Variants in FAM110D observed in about 807,000 individuals in gnomAD.
The protein encoded by FAM110D is family with sequence similarity 110 member D.
For synonymous variants in FAM110D, 174 were observed against 189.4 expected (o/e 0.92, Z 0.67); for missense variants, 376 against 395.6 (o/e 0.95, Z 0.42).
In FAM110D at chr1:26,161,800, G is replaced by T. The variant is rs1353729021; in HGVS notation, c.509G>T (p.Gly170Val). ...SEKERFFNYC[G>V]LERALVEVLG... The stretch of plus-strand genomic sequence containing the variant: ...AAGGAGCGCTTCTTCAACTACTGCG[G>T]CCTGGAGCGCGCGCTGGTGGAGGTG... The change falls in exon 2 of 2, where the codon GGC becomes GTC. Residue 170 changes from glycine to valine, a missense_variant. Coordinates refer to ENST00000374268, the MANE Select transcript of FAM110D (RefSeq NM_024869.3). The surrounding 1 kb of genome is among the most constrained non-coding windows in gnomAD (Gnocchi z 5.4). The T allele has an allele frequency of 9.7e-6, 15 of 1,550,214 alleles. No homozygotes were observed. The highest frequency in any genetic ancestry group is 1.3e-5 in the Non-Finnish European group (15 of 1,147,894).
chr1:26,161,271 G>C lies in FAM110D; in HGVS notation c.-21G>C. 6.5e-7 allele frequency: 1 copy of C among 1,539,590 alleles called. No individual in the cohort carries two copies. Among genetic ancestry groups the C allele is most frequent in the Non-Finnish European group, 8.8e-7 (1 of 1,142,360 alleles). On this transcript the variant is annotated 5_prime_UTR_variant, in exon 2 of 2. Coordinates refer to ENST00000374268, the MANE Select transcript of FAM110D (RefSeq NM_024869.3). The surrounding 1 kb of genome is among the most constrained non-coding windows in gnomAD (Gnocchi z 5.4). ...CGTGGCTGGCTACTTATGGGGCACT[G>C]TCCTGACCAGCTCTGCTAAGATGCT...
At chr1:26,160,512 C>T (rs373532662) in intron 1 of FAM110D, among the ~76,000 whole-genome samples, 1 of 152,330 alleles carries the variant, frequency 6.6e-6, no homozygotes, top group East Asian at 1.9e-4. Flanking sequence ...GGGTTCCAGT[C>T]CTGGCTCCTA....
At position 26,161,470 on chromosome 1, in the gene FAM110D, C is replaced by A. The variant is rs1335152397; in HGVS notation, c.179C>A (p.Pro60His). 6.4e-7 allele frequency: 1 copy of A among 1,560,808 alleles called. No individual in the cohort carries two copies. The highest frequency in any genetic ancestry group is 2.4e-5 in the East Asian group (1 of 41,614). The change falls in exon 2 of 2, where the codon CCC becomes CAC. Residue 60 changes from proline to histidine, a missense_variant. By Grantham distance (77) the Pro-to-His change is moderately conservative (BLOSUM62 -2). Transcript: ENST00000374268. This position sits in a 1 kb window ranked among gnomAD's most constrained non-coding sequence, Gnocchi z 5.4. ...CCGCACCCCTGCAACGAGCTGGGGCCCCCTGCATCGCCCAGGACGCCCAGG... is the reference window on the plus strand; with the variant it reads ...CCGCACCCCTGCAACGAGCTGGGGCACCCTGCATCGCCCAGGACGCCCAGG... Reference protein sequence around the residue: ...LTPHPCNELGPPASPRTPRPV... With the variant: ...LTPHPCNELGHPASPRTPRPV...
Position 26,161,719 on chromosome 1 carries a change from C to A in FAM110D, c.428C>A (p.Pro143Gln). 4 of 1,550,060 alleles carry A rather than the reference C, an allele frequency of 2.6e-6. No homozygotes were observed. The highest frequency in any genetic ancestry group is 3.5e-6 in the Non-Finnish European group (4 of 1,146,994). The change falls in exon 2 of 2, where the codon CCG (proline) becomes CAG (glutamine). Residue 143 changes from proline to glutamine, a missense_variant. Physicochemically the swap from Pro to Gln is moderately conservative, Grantham distance 76 (BLOSUM62 -1). Coordinates refer to ENST00000374268, the MANE Select transcript of FAM110D (RefSeq NM_024869.3). This position sits in a 1 kb window ranked among gnomAD's most constrained non-coding sequence, Gnocchi z 5.4. ...GGTTGGGCTGCGCCCCAGGATGCCC[C>A]GGAAGCGGCGGGAAAGCGGGCGCTG... ...SGGWAAPQDA[P>Q]EAAGKRALCP...
intron 1 of FAM110D, among the ~76,000 whole-genome samples, chr1:26,160,985 A>G (rs2088361302): frequency 6.6e-6 from 1 of 152,166 alleles, no homozygotes; most frequent in African/African-American, 2.4e-5. Flanking sequence ...CTGTGGCCAG[A>G]TTGGGGCACC....
Position 26,161,630 on chromosome 1 carries a change from G to A in FAM110D, c.339G>A (p.Leu113=). Residue 113 remains leucine, a synonymous_variant, in exon 2 of 2, where the codon CTG becomes CTA. Transcript: ENST00000374268. The surrounding 1 kb of genome is among the most constrained non-coding windows in gnomAD (Gnocchi z 5.4). ...KGQGLVRRLF[L]GAPRDAAPSS... ...AGGGTCTGGTGCGGCGCCTCTTTCTGGGTGCCCCGCGGGACGCTGCCCCGA... is the reference window on the plus strand; with the variant it reads ...AGGGTCTGGTGCGGCGCCTCTTTCTAGGTGCCCCGCGGGACGCTGCCCCGA... 6.4e-7 allele frequency: 1 copy of A among 1,551,638 alleles called. No homozygotes were observed. The highest frequency in any genetic ancestry group is 1.2e-5 in the South Asian group (1 of 84,144).
rs1318028423 is a variant in FAM110D at position 26,162,007 on chromosome 1, G to A, written c.716G>A (p.Arg239Gln). The part of the protein sequence containing the change: ...GSEAAGSARD[R>Q]RPPVSVVERN... ...GAGGCAGCGGGCTCGGCGCGGGACCGGCGCCCCCCGGTGTCGGTGGTGGAG... is the reference window on the plus strand; with the variant it reads ...GAGGCAGCGGGCTCGGCGCGGGACCAGCGCCCCCCGGTGTCGGTGGTGGAG... Residue 239 changes from arginine to glutamine, a missense_variant, in exon 2 of 2, where the codon CGG becomes CAG. Coordinates refer to ENST00000374268, the MANE Select transcript of FAM110D (RefSeq NM_024869.3). The surrounding 1 kb of genome is among the most constrained non-coding windows in gnomAD (Gnocchi z 5.3). The A allele has an allele frequency of 4.9e-6, 6 of 1,235,842 alleles. No homozygotes were observed. The highest frequency in any genetic ancestry group is 3.9e-5 in the South Asian group (1 of 25,536). The allele number at this position is 1,235,842 out of a possible 1,614,324, so 76.6% of individuals were successfully genotyped here. A position where few individuals can be genotyped will look rare whatever the true frequency, so the allele number is the denominator to read the frequency against.
At chr1:26,160,467 A>G (rs2088354209) in intron 1 of FAM110D, among the ~76,000 whole-genome samples, 1 of 152,046 alleles carries the variant, frequency 6.6e-6, no homozygotes, top group Non-Finnish European at 1.5e-5. Flanking sequence ...GTGACAAAGC[A>G]AGACTCCGTC....
At chr1:26,160,877 G>A (rs1177048095) in intron 1 of FAM110D, among the ~76,000 whole-genome samples, 1 of 152,256 alleles carries the variant, frequency 6.6e-6, no homozygotes, top group East Asian at 1.9e-4. Context: ...TTGGGAAGAG[G>A]TATTTTTTCC....
At chr1:26,160,538 T>C (rs1256143596) in intron 1 of FAM110D, among the ~76,000 whole-genome samples, 1 of 151,908 alleles carries the variant, frequency 6.6e-6, no homozygotes, top group Non-Finnish European at 1.5e-5. Flanking sequence ...CAATAGGACC[T>C]GAGCAAGCCC....
Position 26,162,013 on chromosome 1 carries a change from C to G in FAM110D, c.722C>G (p.Pro241Arg). The change falls in exon 2 of 2, where the codon CCC becomes CGC. Residue 241 changes from proline (P) to arginine (R), a missense_variant. By Grantham distance (103) the Pro-to-Arg change is moderately radical. Coordinates refer to ENST00000374268, the MANE Select transcript of FAM110D (RefSeq NM_024869.3). This position sits in a 1 kb window ranked among gnomAD's most constrained non-coding sequence, Gnocchi z 5.3. ...GCGGGCTCGGCGCGGGACCGGCGCC[C>G]CCCGGTGTCGGTGGTGGAGCGCAAC... is the stretch of plus-strand genomic sequence containing the variant. ...EAAGSARDRRPPVSVVERNAR... is the reference protein window; with the variant it reads ...EAAGSARDRRRPVSVVERNAR... 8.9e-6 allele frequency: 11 copies of G among 1,237,320 alleles called. No homozygotes were observed. Among genetic ancestry groups the G allele is most frequent in the Non-Finnish European group, 1.1e-5 (11 of 994,112 alleles). The allele number at this position is 1,237,320 out of a possible 1,614,324, so 76.6% of individuals were successfully genotyped here.
At chr1:26,160,916 G>A (rs1249005975) in intron 1 of FAM110D, among the ~76,000 whole-genome samples, 1 of 152,252 alleles carries the variant, frequency 6.6e-6, no homozygotes, top group East Asian at 1.9e-4. Flanking sequence ...GAATTGGGCC[G>A]GGACCAGCCC....
Position 26,161,693 on chromosome 1 carries a change from G to A in FAM110D, c.402G>A (p.Gly134=), listed in dbSNP as rs1201425594. The A allele has an allele frequency of 1.3e-6, 2 of 1,551,002 alleles. No homozygotes were observed. The highest frequency in any genetic ancestry group is 1.4e-5 in the African/African-American group (1 of 73,142). ...CCACAGAGCGACCTGCGGCTTCAGG[G>A]GGTTGGGCTGCGCCCCAGGATGCCC... is the stretch of plus-strand genomic sequence containing the variant. The part of the protein sequence containing the change: ...PASTERPAAS[G]GWAAPQDAPE... The change falls in exon 2 of 2, where the codon GGG becomes GGA. Residue 134 remains glycine, a synonymous_variant. Coordinates refer to ENST00000374268, the MANE Select transcript of FAM110D (RefSeq NM_024869.3). This position sits in a 1 kb window ranked among gnomAD's most constrained non-coding sequence, Gnocchi z 5.4.
In FAM110D at chr1:26,161,865, G is replaced by C. The variant is rs1157825860; in HGVS notation, c.574G>C (p.Asp192His). Residue 192 changes from aspartate (D) to histidine (H), a missense_variant, in exon 2 of 2, where the codon GAC becomes CAC. Asp to His is a moderately conservative substitution (Grantham distance 81). Transcript: ENST00000374268. The surrounding 1 kb of genome is among the most constrained non-coding windows in gnomAD (Gnocchi z 5.4). ...ERFSPQSWGA[D>H]ASPQAGTSPP... is the part of the protein sequence containing the mutation. ...CTTCTCCCCGCAGAGCTGGGGAGCCGACGCCAGCCCGCAGGCCGGAACTTC... is the reference window on the plus strand; with the variant it reads ...CTTCTCCCCGCAGAGCTGGGGAGCCCACGCCAGCCCGCAGGCCGGAACTTC... The C allele has an allele frequency of 2.0e-6, 3 of 1,495,588 alleles. No individual in the cohort carries two copies. The highest frequency in any genetic ancestry group is 1.5e-5 in the African/African-American group (1 of 68,898). The allele number at this position is 1,495,588 out of a possible 1,614,324, so 92.6% of individuals were successfully genotyped here. A position where few individuals can be genotyped will look rare whatever the true frequency, so the allele number is the denominator to read the frequency against.
At position 26,162,023 on chromosome 1, in the gene FAM110D, G is replaced by A. The variant is rs1569852870; in HGVS notation, c.732G>A (p.Ser244=). 1.0e-5 allele frequency: 13 copies of A among 1,241,054 alleles called. No homozygotes were observed. In the East Asian group the frequency reaches 4.1e-4, roughly 39 times the overall value. 76.9% of individuals were successfully genotyped at this position (1,241,054 alleles called of 1,614,324 possible). Residue 244 remains serine (S), a synonymous_variant, in exon 2 of 2, where the codon TCG becomes TCA. Coordinates refer to ENST00000374268, the MANE Select transcript of FAM110D (RefSeq NM_024869.3). The surrounding 1 kb of genome is among the most constrained non-coding windows in gnomAD (Gnocchi z 5.3). ...GSARDRRPPV[S]VVERNARVIQ... is the part of the protein sequence containing the mutation. ...CGCGGGACCGGCGCCCCCCGGTGTC[G>A]GTGGTGGAGCGCAACGCGCGCGTCA...
At chr1:26,160,154 C>T (rs999124550) in intron 1 of FAM110D, among the ~76,000 whole-genome samples, 31 of 148,254 alleles carry the variant, frequency 2.1e-4, no homozygotes, top group Non-Finnish European at 4.3e-4. Context: ...TGCAGTGGTG[C>T]GCGATCTCGG....
chr1:26,162,296 A>G lies in FAM110D; in HGVS notation c.*189A>G, dbSNP rs2088378327. The G allele has an allele frequency of 2.5e-6, 1 of 393,734 alleles. No homozygotes were observed. The highest frequency in any genetic ancestry group is 4.6e-6 in the Non-Finnish European group (1 of 217,414). 24.4% of individuals were successfully genotyped at this position (393,734 alleles called of 1,614,324 possible). On this transcript the variant is annotated 3_prime_UTR_variant, in exon 2 of 2. Transcript: ENST00000374268. This position sits in a 1 kb window ranked among gnomAD's most constrained non-coding sequence, Gnocchi z 5.3. ...GCTCCCGCGGCGAAGGGGGAGGGAGAGGCCTCTTGGTCCCTGTGGAGACCC... is the reference window on the plus strand; with the variant it reads ...GCTCCCGCGGCGAAGGGGGAGGGAGGGGCCTCTTGGTCCCTGTGGAGACCC...
At position 26,163,330 on chromosome 1, in the gene FAM110D, C is replaced by T. The variant is rs2088389538; in HGVS notation, c.*1223C>T. 1 of 52,062 alleles carries T rather than the reference C, an allele frequency of 1.9e-5. No individual in the cohort carries two copies. Among genetic ancestry groups the T allele is most frequent in the African/African-American group, 5.6e-5 (1 of 17,778 alleles). The allele number at this position is 52,062 out of a possible 1,614,324, so 3.2% of individuals were successfully genotyped here. A position where few individuals can be genotyped will look rare whatever the true frequency, so the allele number is the denominator to read the frequency against. Reference sequence around the variant, plus strand: ...GTTCCTTTTCTCTCTGCTCTTCCTTCTCTTTTTTTTTTTTTTTTTTTTTTT... The same window carrying T: ...GTTCCTTTTCTCTCTGCTCTTCCTTTTCTTTTTTTTTTTTTTTTTTTTTTT... On this transcript the variant is annotated 3_prime_UTR_variant, in exon 2 of 2. Coordinates refer to ENST00000374268, the MANE Select transcript of FAM110D (RefSeq NM_024869.3).
chr1:26,159,416 A>G (rs2088340384), intron 1 of FAM110D, among the ~76,000 whole-genome samples: 1 of 152,062 alleles, frequency 6.6e-6, no homozygotes, highest in African/African-American at 2.4e-5. Context: ...CCTTGTGATT[A>G]GGAACTTTTT....
Sources: gnomAD v4.1 joint callset for allele counts (sites outside exome capture counted in the v4.1 genomes callset) on GRCh38, gnomAD v4.1.1 for gene constraint, Gnocchi (gnomAD v3.1) non-coding constraint, MANE v1.5 for transcripts, NCBI Gene and HGNC (gene_info 2026-07-23, HGNC 2026-07-21) for gene names.